PARP11: variants seen among roughly 807,000 people sequenced by gnomAD.
PARP11 encodes protein mono-ADP-ribosyltransferase PARP11.
Under a neutral mutation model 42.9 loss-of-function variants are expected in PARP11, and 31 were observed. The observed-to-expected ratio is 0.72, with a 90% CI of 0.54 to 0.98. The LOEUF (loss-of-function observed/expected upper bound fraction) is 0.98, where lower values mean the gene tolerates loss of function less well. Ranked by LOEUF, PARP11 falls within the 50% of genes least tolerant of loss-of-function variation. The probability of loss-of-function intolerance (pLI) is 0.00; values close to 1 mark genes in which losing one functional copy is unlikely to be tolerated. For synonymous variants in PARP11, 137 were observed against 127.3 expected, an observed-to-expected ratio of 1.08 and a Z score of -0.51; for missense variants, 365 against 413.1, an observed-to-expected ratio of 0.88 and a Z score of 1.01.
intron 1 of PARP11, among the ~76,000 whole-genome samples, chr12:3,850,473 G>C (rs978316652): frequency 3.3e-5 from 5 of 152,068 alleles, no homozygotes; most frequent in African/African-American, 1.2e-4. Flanking sequence ...AGGGAAAAAA[G>C]ACTTTCCCAG....
At chr12:3,842,629 G>A (rs1411697822) in intron 1 of PARP11, 13 of 727,016 alleles carry the variant, frequency 1.8e-5, no homozygotes, top group Admixed American at 7.0e-5. Flanking sequence ...CCTCTCCCCA[G>A]CCTCCTTACC....
At chr12:3,856,395 T>A (rs1948190071) in intron 1 of PARP11, among the ~76,000 whole-genome samples, 1 of 152,118 alleles carries the variant, frequency 6.6e-6, no homozygotes, top group African/African-American at 2.4e-5. Context: ...ATATCCAGAA[T>A]CTACAAAGAA....
At chr12:3,852,657 T>C (rs1317259471) in intron 1 of PARP11, among the ~76,000 whole-genome samples, 2 of 152,222 alleles carry the variant, frequency 1.3e-5, no homozygotes, top group African/African-American at 2.4e-5. Flanking sequence ...CTATGTTTGA[T>C]TGGTGTACCT....
chr12:3,830,035 A>T lies in PARP11; in HGVS notation c.19-17T>A. ...AAACATCTCCTGAAAAGCCAGAAGG[A>T]GGTGGAGGAAGAAATAATTCTATTA... On this transcript the variant is annotated splice_polypyrimidine_tract_variant and intron_variant, in intron 1 of 7. Coordinates refer to ENST00000228820, the MANE Select transcript of PARP11 (RefSeq NM_020367.6). The T allele has an allele frequency of 1.2e-6, 2 of 1,610,174 alleles. No homozygotes were observed. The highest frequency in any genetic ancestry group is 2.2e-5 in the South Asian group (2 of 90,896).
chr12:3,856,523 CTCA>C (rs1274043411), intron 1 of PARP11, among the ~76,000 whole-genome samples: 1 of 152,156 alleles, frequency 6.6e-6, no homozygotes, highest in Non-Finnish European at 1.5e-5. Flanking sequence ...TGAAAAAATG[CTCA>C]TCATCACTGG....
rs1393968773 is a variant in PARP11, at chr12:3,809,413, CG to C, written c.*2709del. 1.3e-5 allele frequency: 2 copies of C among 152,266 alleles called. No homozygotes were observed. Among genetic ancestry groups the C allele is most frequent in the Admixed American group, 1.3e-4 (2 of 15,306 alleles). 9.4% of individuals were successfully genotyped at this position (152,266 alleles called of 1,614,324 possible). On this transcript the variant is annotated 3_prime_UTR_variant, in exon 8 of 8. Coordinates refer to ENST00000228820, the MANE Select transcript of PARP11 (RefSeq NM_020367.6). The stretch of plus-strand genomic sequence containing the variant: ...ACAACAACAACAAGCCCCAAAAAAC[CG>C]GTATAGTACCTTCTTACAATGGCTA...
In PARP11 at chr12:3,812,404, G is replaced by A. The variant is rs866467165; in HGVS notation, c.736C>T (p.Arg246Cys). The change falls in exon 8 of 8, where the codon CGT becomes TGT. Residue 246 changes from arginine (R) to cysteine (C), a missense_variant. Coordinates refer to ENST00000228820, the MANE Select transcript of PARP11 (RefSeq NM_020367.6). Reference sequence around the variant, plus strand: ...TGCTTTATGTCATCTTTGCAGAAACGACTGGAATAAGCAGCATCTCTAGCA... The same window carrying A: ...TGCTTTATGTCATCTTTGCAGAAACAACTGGAATAAGCAGCATCTCTAGCA... ...YFARDAAYSS[R>C]FCKDDIKHGN... 13 of 1,613,868 alleles carry A rather than the reference G, an allele frequency of 8.1e-6. No individual in the cohort carries two copies. Among genetic ancestry groups the A allele is most frequent in the South Asian group, 1.1e-5 (1 of 90,980 alleles).
intron 4 of PARP11, 44 bp downstream of exon 4, chr12:3,826,113 GA>G (rs766917790): frequency 7.7e-4 from 814 of 1,054,580 alleles, no homozygotes; most frequent in South Asian, 1.2e-3. Flanking sequence ...CCAATAGTAA[GA>G]AAAAAAAAAC....
chr12:3,838,740 CA>C (rs1203459467), intron 1 of PARP11, among the ~76,000 whole-genome samples: 1 of 152,208 alleles, frequency 6.6e-6, no homozygotes. Flanking sequence ...AGAGAAGATC[CA>C]GGGGGAGCCC....
At chr12:3,824,040 G>T (rs980740802) in intron 4 of PARP11, among the ~76,000 whole-genome samples, 2 of 151,936 alleles carry the variant, frequency 1.3e-5, no homozygotes, top group East Asian at 1.9e-4. Flanking sequence ...ATTTTTTCAT[G>T]ATTTTAACAG....
At chr12:3,841,273 T>C in intron 1 of PARP11, 2 of 1,331,364 alleles carry the variant, frequency 1.5e-6, no homozygotes, top group African/African-American at 1.4e-5. Flanking sequence ...TATTCTTCGA[T>C]TCTTCTTCAA....
intron 1 of PARP11, among the ~76,000 whole-genome samples, chr12:3,846,348 A>T (rs183964096): frequency 3.9e-4 from 60 of 152,298 alleles, no homozygotes; most frequent in African/African-American, 1.4e-3. Flanking sequence ...GACCACAAGA[A>T]ATACAAAGAA....
intron 1 of PARP11, chr12:3,842,545 G>C (rs569504521): frequency 2.7e-6 from 4 of 1,457,066 alleles, no homozygotes; most frequent in Admixed American, 1.8e-5. Context: ...TTTTCTAACA[G>C]AAACTCTTAG....
chr12:3,840,379 TAC>T lies in PARP11; in HGVS notation c.19-10363_19-10362del, dbSNP rs1308581479. On this transcript the variant is annotated intron_variant, in intron 1 of 7. Coordinates refer to ENST00000228820, the MANE Select transcript of PARP11 (RefSeq NM_020367.6). This position sits in a 1 kb window ranked among gnomAD's most constrained non-coding sequence, Gnocchi z 4.4. ...ACAAAATTTCCATTCTGATATGGAT[TAC>T]AGAGGGCCAAAGAATCCAAGCAAGC... 6.2e-7 allele frequency: 1 copy of T among 1,613,802 alleles called. No individual in the cohort carries two copies. The highest frequency in any genetic ancestry group is 8.5e-7 in the Non-Finnish European group (1 of 1,179,802).
intron 6 of PARP11, among the ~76,000 whole-genome samples, chr12:3,817,059 C>A (rs764989418): frequency 6.6e-6 from 1 of 152,018 alleles, no homozygotes; most frequent in Admixed American, 6.5e-5. Context: ...GGCGTGGTGG[C>A]GGGCGCCTGT....
intron 1 of PARP11, among the ~76,000 whole-genome samples, chr12:3,862,364 T>C (rs1013529008): frequency 2.6e-5 from 4 of 152,078 alleles, no homozygotes; most frequent in Admixed American, 6.6e-5. Context: ...GGCAAGAGGA[T>C]TGCTTGAGCC....
intron 1 of PARP11, among the ~76,000 whole-genome samples, chr12:3,866,359 C>T (rs1306319641): frequency 1.3e-5 from 2 of 152,130 alleles, no homozygotes; most frequent in Non-Finnish European, 2.9e-5. Context: ...TAGAGTTTCT[C>T]ATGGCTCAGT....
At chr12:3,853,542 C>CATT (rs1355116476) in intron 1 of PARP11, among the ~76,000 whole-genome samples, 1 of 152,118 alleles carries the variant, frequency 6.6e-6, no homozygotes, top group Non-Finnish European at 1.5e-5. Context: ...CAAAGATGGC[C>CATT]ATTACATAAT....
chr12:3,853,412 C>G (rs968816450), intron 1 of PARP11, among the ~76,000 whole-genome samples: 1 of 152,132 alleles, frequency 6.6e-6, no homozygotes, highest in Non-Finnish European at 1.5e-5. Flanking sequence ...GAGACACACA[C>G]AGGCTCCAAA....
Sources: gnomAD v4.1 joint callset for allele counts (sites outside exome capture counted in the v4.1 genomes callset) on GRCh38, gnomAD v4.1.1 for gene constraint, Gnocchi (gnomAD v3.1) non-coding constraint, MANE v1.5 for transcripts, NCBI Gene and HGNC (gene_info 2026-07-23, HGNC 2026-07-21) for gene names.